Variants in PYGL observed in about 807,000 individuals in gnomAD.
PYGL encodes the protein glycogen phosphorylase L, also known as glycogen phosphorylase, liver form.
A neutral mutation model predicts 100.1 loss-of-function variants in PYGL; 90 were observed. The ratio of observed to expected loss-of-function variants is 0.90; its 90% CI spans 0.76 to 1.07. PYGL has a LOEUF of 1.07. Ranked by LOEUF, PYGL falls within the 50% of genes least tolerant of loss-of-function variation. The probability of loss-of-function intolerance (pLI) is 0.00; values close to 1 mark genes in which losing one functional copy is unlikely to be tolerated. For synonymous variants in PYGL, 373 were observed against 393.0 expected, an observed-to-expected ratio of 0.95 and a Z score of 0.60; for missense variants, 1,016 against 1,057.6, an observed-to-expected ratio of 0.96 and a Z score of 0.55.
In PYGL at chr14:50,911,867, G is replaced by A. The variant is rs572034540; in HGVS notation, c.1832C>T (p.Ala611Val). The A allele has an allele frequency of 4.4e-6, 7 of 1,577,312 alleles. No individual in the cohort carries two copies. The East Asian group carries it at 1.6e-4, about 37-fold the overall frequency. The change falls in exon 16 of 20, where the codon GCC (alanine) becomes GTC (valine). Residue 611 changes from alanine (A) to valine (V), a missense_variant. Ala to Val is a moderately conservative substitution (Grantham distance 64). Transcript: ENST00000216392. ...PRTVIIGGKA[A>V]PGYHMAKMII... ...CATTTTGGCCATGTGATATCCTGGG[G>A]CAGCCTTTGGGGAAGAAGGTCAAAC...
chr14:50,910,851 A>G (rs775327709), intron 16 of PYGL, among the ~76,000 whole-genome samples: 3 of 152,162 alleles, frequency 2.0e-5, no homozygotes, highest in Admixed American at 6.5e-5. Flanking sequence ...CTAGCCTCTG[A>G]CCTTTCAGGC....
intron 3 of PYGL, among the ~76,000 whole-genome samples, chr14:50,932,096 T>C (rs1288268317): frequency 1.3e-5 from 2 of 152,216 alleles, no homozygotes; most frequent in African/African-American, 4.8e-5. Flanking sequence ...CTGCACCAGA[T>C]AATGTCGATT....
intron 4 of PYGL, 42 bp downstream of exon 4, chr14:50,931,631 G>C: frequency 2.0e-6 from 3 of 1,508,538 alleles, no homozygotes; most frequent in African/African-American, 1.4e-5. Context: ...CCATGAAAGA[G>C]AAGTACCTTA....
chr14:50,910,518 C>T lies in PYGL; in HGVS notation c.1970-416G>A, dbSNP rs141235137. ...TCACCCAGGCTGGAGTGCAGTGGTG[C>T]GATTACAGCTCTCTGCAGCCTTGAC... On this transcript the variant is annotated intron_variant, in intron 16 of 19. Coordinates refer to ENST00000216392, the MANE Select transcript of PYGL (RefSeq NM_002863.5). 1.6e-3 allele frequency among the ~76,000 whole-genome samples: 239 copies of T among 152,050 alleles called. 3 individuals carry two copies. Among genetic ancestry groups the T allele is most frequent in the Non-Finnish European group, 4.1e-4 (28 of 67,998 alleles).
At chr14:50,932,811 G>A (rs2050614277) in intron 3 of PYGL, among the ~76,000 whole-genome samples, 1 of 152,116 alleles carries the variant, frequency 6.6e-6, no homozygotes, top group African/African-American at 2.4e-5. Flanking sequence ...GTGTACAGTA[G>A]GAATTAAAAC....
At chr14:50,905,647 A>C in intron 19 of PYGL, 91 bp from the exon 20 acceptor site, 21 of 1,213,968 alleles carry the variant, frequency 1.7e-5, no homozygotes, top group Non-Finnish European at 2.6e-5. Context: ...AACACATTTC[A>C]TGAGGGAAAA....
chr14:50,923,081 G>A (rs189142189), intron 5 of PYGL, among the ~76,000 whole-genome samples: 11 of 152,260 alleles, frequency 7.2e-5, no homozygotes, highest in Admixed American at 1.3e-4. Flanking sequence ...CATGGCTTGG[G>A]CCAGCTCACT....
chr14:50,914,628 TAA>T, intron 12 of PYGL, 71 bp downstream of exon 12: 2 of 1,291,574 alleles, frequency 1.5e-6, no homozygotes, highest in Non-Finnish European at 1.1e-6. Context: ...ACTGGATTTA[TAA>T]GTTACAAGTA....
chr14:50,911,599 C>T, intron 16 of PYGL, 131 bp downstream of exon 16: 1 of 1,226,832 alleles, frequency 8.2e-7, no homozygotes. Context: ...ACCGTAGGCC[C>T]TTATTCTGCA....
rs2050457201 is a variant in PYGL at position 50,916,912 on chromosome 14, C to T, written c.999+50G>A. 7 of 1,597,654 alleles carry T rather than the reference C, an allele frequency of 4.4e-6. No individual in the cohort carries two copies. In the South Asian group the frequency reaches 6.6e-5, roughly 15 times the overall value. ...GAGGAATTAATCTGATAGGAAATCC[C>T]AGTCAATCCCTCAGTGGACCCTAAC... On this transcript the variant is annotated intron_variant, in intron 8 of 19. Transcript: ENST00000216392.
chr14:50,929,328 C>T (rs2050582771), intron 4 of PYGL, among the ~76,000 whole-genome samples: 1 of 152,210 alleles, frequency 6.6e-6, no homozygotes. Context: ...GCTGGGATTA[C>T]AGGCGTGAGC....
intron 4 of PYGL, among the ~76,000 whole-genome samples, chr14:50,925,948 A>T (rs1287258582): frequency 1.3e-5 from 2 of 152,176 alleles, no homozygotes; most frequent in Non-Finnish European, 2.9e-5. Context: ...GAAATTCTGC[A>T]TTCCTAATAA....
chr14:50,926,328 G>A (rs1156311847), intron 4 of PYGL, among the ~76,000 whole-genome samples: 2 of 152,030 alleles, frequency 1.3e-5, no homozygotes, highest in Non-Finnish European at 2.9e-5. Flanking sequence ...TCCACCCTGG[G>A]TGACAGAGTG....
rs780628813 is a variant in PYGL, at chr14:50,917,010, A to C, written c.951T>G (p.Phe317Leu). 1.2e-6 allele frequency: 2 copies of C among 1,614,194 alleles called. No homozygotes were observed. Among genetic ancestry groups the C allele is most frequent in the South Asian group, 2.2e-5 (2 of 91,088 alleles). The change falls in exon 8 of 20, where the codon TTT becomes TTG. Residue 317 changes from phenylalanine (F) to leucine (L), a missense_variant. Physicochemically the swap from Phe to Leu is conservative, Grantham distance 22. Transcript: ENST00000216392. Reference sequence around the variant, plus strand: ...CAGTTCCTGCACCACGGGTGGAGCCAAACTTGGAGGCTTTGAAACGGCGGA... The same window carrying C: ...CAGTTCCTGCACCACGGGTGGAGCCCAACTTGGAGGCTTTGAAACGGCGGA... The part of the protein sequence containing the change: ...DIIRRFKASK[F>L]GSTRGAGTVF...
At chr14:50,942,822 CAAACAAAACA>C (rs35049468) in intron 1 of PYGL, among the ~76,000 whole-genome samples, 1,463 of 130,130 alleles carry the variant, frequency 0.011, 63 homozygotes, top group Non-Finnish European at 0.018. Context: ...GACTCTGTCT[CAAACAAAACA>C]AAACAAAACA....
chr14:50,913,265 ACTCAAAGAAGAGTCTATAAAGT>A, intron 12 of PYGL, 135 bp from the exon 13 acceptor site: 1 of 740,280 alleles, frequency 1.4e-6, no homozygotes, highest in Admixed American at 2.0e-5. Context: ...GGATAGTTTG[ACTCAAAGAAGAGTCTATAAAGT>A]CTATGTGAGA....
intron 1 of PYGL, 134 bp downstream of exon 1, chr14:50,944,027 T>C: frequency 8.2e-7 from 1 of 1,226,330 alleles, no homozygotes; most frequent in Non-Finnish European, 1.1e-6. Context: ...CCTAGACACG[T>C]CTCCTCTGGA....
chr14:50,906,588 G>A (rs2050338928), intron 19 of PYGL, among the ~76,000 whole-genome samples: 1 of 152,200 alleles, frequency 6.6e-6, no homozygotes, highest in Non-Finnish European at 1.5e-5. Flanking sequence ...GCATCGTTTG[G>A]ATTTGGGCCA....
chr14:50,928,318 T>C (rs567171439), intron 4 of PYGL, among the ~76,000 whole-genome samples: 1 of 152,304 alleles, frequency 6.6e-6, no homozygotes, highest in Admixed American at 6.5e-5. Flanking sequence ...TAATAACTGA[T>C]AAATGTTTCT....
Sources: allele counts gnomAD v4.1 joint callset (sites outside exome capture counted in the v4.1 genomes callset), GRCh38; gene constraint gnomAD v4.1.1; transcripts MANE v1.5; gene names NCBI Gene and HGNC (gene_info 2026-07-23, HGNC 2026-07-21).